Variants in SIK2 observed in about 807,000 individuals in gnomAD.
The protein encoded by SIK2 is salt inducible kinase 2.
SIK2 carries 29 observed loss-of-function variants against 103.2 expected under a neutral mutation model. The observed-to-expected ratio is 0.28, with a 90% CI of 0.21 to 0.38. The LOEUF (loss-of-function observed/expected upper bound fraction) is 0.38, where lower values mean the gene tolerates loss of function less well. SIK2 is among the 10% of genes least tolerant of loss of function. The pLI, the probability that SIK2 is intolerant of heterozygous loss-of-function variation, is 1.00. For synonymous variants in SIK2, 412 were observed against 446.1 expected, an observed-to-expected ratio of 0.92 and a Z score of 0.96; for missense variants, 879 against 1,171.0, an observed-to-expected ratio of 0.75 and a Z score of 3.64.
chr11:111,724,735 C>T lies in SIK2; in HGVS notation c.*606C>T, dbSNP rs1268547246. The stretch of plus-strand genomic sequence containing the variant: ...CTGTGTTTCAGGGGCCACTAAATAA[C>T]AGCTGGTACTGACCCCAGAAACCGC... On this transcript the variant is annotated 3_prime_UTR_variant, in exon 15 of 15. Transcript: ENST00000304987. 3 of 153,578 alleles carry T rather than the reference C, an allele frequency of 2.0e-5. No individual in the cohort carries two copies. The highest frequency in any genetic ancestry group is 4.3e-5 in the Non-Finnish European group (3 of 69,090). 9.5% of individuals were successfully genotyped at this position (153,578 alleles called of 1,614,324 possible).
intron 3 of SIK2, among the ~76,000 whole-genome samples, chr11:111,660,106 C>G (rs1212517705): frequency 1.3e-5 from 2 of 152,142 alleles, no homozygotes; most frequent in Admixed American, 6.5e-5. Context: ...AGTTAGAGAC[C>G]TGTTTGGATT....
chr11:111,654,084 G>A (rs1007903808), intron 3 of SIK2, among the ~76,000 whole-genome samples: 2 of 152,210 alleles, frequency 1.3e-5, no homozygotes, highest in East Asian at 3.8e-4. Flanking sequence ...TTGTAATAAA[G>A]TATATGTTAG....
chr11:111,702,254 A>G (rs1052213052), intron 6 of SIK2, among the ~76,000 whole-genome samples: 1 of 152,204 alleles, frequency 6.6e-6, no homozygotes, highest in Admixed American at 6.5e-5. Flanking sequence ...GGAAATAACA[A>G]TAGCACCTAC....
Position 111,688,065 on chromosome 11 carries a change from G to C in SIK2, c.381G>C (p.Leu127=). The change falls in exon 4 of 15, where the codon CTG becomes CTC. Residue 127 remains leucine, a synonymous_variant. Transcript: ENST00000304987. The surrounding 1 kb of genome is among the most constrained non-coding windows in gnomAD (Gnocchi z 4.2). ...CCAGGCGAAAATTCTGGCAAATCCT[G>C]TCTGCTGTTGATTATTGTCATGGTC... ...SEARRKFWQI[L]SAVDYCHGRK... is the part of the protein sequence containing the mutation. 5 of 1,614,148 alleles carry C rather than the reference G, an allele frequency of 3.1e-6. No homozygotes were observed. The highest frequency in any genetic ancestry group is 4.2e-6 in the Non-Finnish European group (5 of 1,180,028).
intron 3 of SIK2, among the ~76,000 whole-genome samples, chr11:111,679,312 T>G (rs1269288787): frequency 6.6e-6 from 1 of 152,230 alleles, no homozygotes; most frequent in Non-Finnish European, 1.5e-5. Context: ...TAACTAAAAA[T>G]TCTCAGAAGA....
At chr11:111,630,464 A>G (rs1276495803) in intron 3 of SIK2, among the ~76,000 whole-genome samples, 2 of 152,158 alleles carry the variant, frequency 1.3e-5, no homozygotes, top group Middle Eastern at 3.2e-3. Flanking sequence ...CTTATTGTAT[A>G]TAAATCATAC....
At chr11:111,712,505 G>A (rs1943528662) in intron 9 of SIK2, 130 bp downstream of exon 9, 1 of 965,830 alleles carries the variant, frequency 1.0e-6, no homozygotes, top group Non-Finnish European at 1.5e-6. Context: ...ATGCTTTTGT[G>A]GAGAAAAACC....
intron 3 of SIK2, among the ~76,000 whole-genome samples, chr11:111,634,946 T>C (rs986590384): frequency 1.3e-5 from 2 of 152,226 alleles, no homozygotes; most frequent in Non-Finnish European, 2.9e-5. Flanking sequence ...GTTGAATGCA[T>C]GCAGATGAAA....
chr11:111,665,939 T>C (rs946801821), intron 3 of SIK2, among the ~76,000 whole-genome samples: 2 of 152,138 alleles, frequency 1.3e-5, no homozygotes, highest in East Asian at 1.9e-4. Flanking sequence ...CATGCATTGC[T>C]CTCTAAGTTA....
chr11:111,657,274 C>T lies in SIK2; in HGVS notation c.317-30727C>T, dbSNP rs547573072. On this transcript the variant is annotated intron_variant, in intron 3 of 14. Transcript: ENST00000304987. ...TCTCATTTTGGGTGCATGTTTTTTC[C>T]GTTTTGGTAAATATTGCTGGTTTTG... Among the ~76,000 whole-genome samples the T allele has an allele frequency of 6.6e-5, 10 of 152,128 alleles. No individual in the cohort carries two copies. The South Asian group carries it at 8.3e-4, about 13-fold the overall frequency.
intron 3 of SIK2, among the ~76,000 whole-genome samples, chr11:111,657,007 G>A (rs969540604): frequency 1.3e-5 from 2 of 152,170 alleles, no homozygotes; most frequent in Non-Finnish European, 2.9e-5. Context: ...TTGAGCATCT[G>A]TTACTTATAA....
rs943941620 is a variant in SIK2 at position 111,705,393 on chromosome 11, C to T, written c.1101+254C>T. Among the ~76,000 whole-genome samples, 2 of 152,224 alleles carry T rather than the reference C, an allele frequency of 1.3e-5. No homozygotes were observed. The highest frequency in any genetic ancestry group is 2.9e-5 in the Non-Finnish European group (2 of 68,042). On this transcript the variant is annotated intron_variant, in intron 8 of 14. Coordinates refer to ENST00000304987, the MANE Select transcript of SIK2 (RefSeq NM_015191.3). The surrounding 1 kb of genome is among the most constrained non-coding windows in gnomAD (Gnocchi z 4.3). Reference sequence around the variant, plus strand: ...TGAGAATTACTATCACTAGCCTTTACATTCAATTCCATTTAACAAATTTTT... The same window carrying T: ...TGAGAATTACTATCACTAGCCTTTATATTCAATTCCATTTAACAAATTTTT...
At position 111,730,220 on chromosome 11, in the gene SIK2, C is replaced by T. The variant is rs1345113375; in HGVS notation, c.*6091C>T. On this transcript the variant is annotated 3_prime_UTR_variant, in exon 15 of 15. Coordinates refer to ENST00000304987, the MANE Select transcript of SIK2 (RefSeq NM_015191.3). ...GAAGTACAAAACAACATCCTGGAAACATATGACCCCAGATGGAATAATGTC... is the reference window on the plus strand; with the variant it reads ...GAAGTACAAAACAACATCCTGGAAATATATGACCCCAGATGGAATAATGTC... 2 of 152,216 alleles carry T rather than the reference C, an allele frequency of 1.3e-5. No homozygotes were observed. Among genetic ancestry groups the T allele is most frequent in the East Asian group, 3.8e-4 (2 of 5,202 alleles). The allele number at this position is 152,216 out of a possible 1,614,324, so 9.4% of individuals were successfully genotyped here.
At chr11:111,622,251 T>C (rs1239439959) in intron 3 of SIK2, among the ~76,000 whole-genome samples, 2 of 36,924 alleles carry the variant, frequency 5.4e-5, no homozygotes, top group Non-Finnish European at 8.6e-5. Flanking sequence ...TCTTTTCTTT[T>C]TTTTTTTTTT....
Position 111,719,987 on chromosome 11 carries a change from C to T in SIK2, c.1479C>T (p.Val493=), listed in dbSNP as rs745933839. Residue 493 remains valine (V), a synonymous_variant, in exon 10 of 15, where the codon GTC becomes GTT. Coordinates refer to ENST00000304987, the MANE Select transcript of SIK2 (RefSeq NM_015191.3). Reference sequence around the variant, plus strand: ...TGTCAGAAGTGACCAATCAACTGGTCGTGATGCCTGGGGCAGGTACGGTAG... The same window carrying T: ...TGTCAGAAGTGACCAATCAACTGGTTGTGATGCCTGGGGCAGGTACGGTAG... ...HTLSEVTNQL[V]VMPGAGKIFS... is the part of the protein sequence containing the mutation. The T allele has an allele frequency of 1.4e-5, 22 of 1,613,710 alleles. No homozygotes were observed. The highest frequency in any genetic ancestry group is 1.7e-4 in the Middle Eastern group (1 of 6,034).
intron 3 of SIK2, among the ~76,000 whole-genome samples, chr11:111,635,090 C>A (rs191476422): frequency 5.9e-5 from 9 of 152,152 alleles, no homozygotes; most frequent in African/African-American, 2.2e-4. Flanking sequence ...TGTAGAGAGA[C>A]TAGTAACCAC....
At position 111,720,883 on chromosome 11, in the gene SIK2, T is replaced by G. The variant is rs1943779862; in HGVS notation, c.1781-16T>G. ...GTATTTTAGTTAAACTGTTTGGTCT[T>G]GGTGCTTTCTTTCAGGAATTGTAGC... On this transcript the variant is annotated splice_polypyrimidine_tract_variant and intron_variant, in intron 11 of 14. Coordinates refer to ENST00000304987, the MANE Select transcript of SIK2 (RefSeq NM_015191.3). 6.2e-7 allele frequency: 1 copy of G among 1,612,448 alleles called. No individual in the cohort carries two copies. The highest frequency in any genetic ancestry group is 8.5e-7 in the Non-Finnish European group (1 of 1,179,286).
intron 4 of SIK2, among the ~76,000 whole-genome samples, chr11:111,700,304 G>T (rs1165436916): frequency 6.6e-6 from 1 of 152,126 alleles, no homozygotes; most frequent in Non-Finnish European, 1.5e-5. Context: ...TTGTGGCTGG[G>T]CTATGTGGCC....
At chr11:111,703,636 A>G (rs1401997124) in intron 7 of SIK2, among the ~76,000 whole-genome samples, 1 of 152,246 alleles carries the variant, frequency 6.6e-6, no homozygotes, top group Non-Finnish European at 1.5e-5. Flanking sequence ...AACATTCAAG[A>G]GGAGGCATTT....
Sources: gnomAD v4.1 joint callset for allele counts (sites outside exome capture counted in the v4.1 genomes callset) on GRCh38, gnomAD v4.1.1 for gene constraint, Gnocchi (gnomAD v3.1) non-coding constraint, MANE v1.5 for transcripts, NCBI Gene and HGNC (gene_info 2026-07-23, HGNC 2026-07-21) for gene names.